The following CDH18 variants were observed in gnomAD, a reference collection of about 807,000 sequenced individuals.
CDH18 encodes the protein cadherin 18.
CDH18 carries 31 observed loss-of-function variants against 67.9 expected under a neutral mutation model. The ratio of observed to expected loss-of-function variants is 0.46; its 90% CI spans 0.34 to 0.62. The LOEUF is 0.62. Among genes scored for constraint, CDH18 ranks in the 20% least tolerant of loss-of-function variants. The pLI is 0.01. For missense variants in CDH18, 890 were observed against 975.5 expected (o/e 0.91, Z 1.17); for synonymous variants, 362 against 347.2 (o/e 1.04, Z -0.48).
At chr5:19,938,956 A>G (rs141513153) in intron 2 of CDH18, among the ~76,000 whole-genome samples, 28 of 151,408 alleles carry the variant, frequency 1.8e-4, no homozygotes, top group Admixed American at 2.6e-4. Flanking sequence ...GTACTTAAAT[A>G]CATTTGGACC....
At chr5:19,484,862 G>C (rs1740108482) in intron 11 of CDH18, among the ~76,000 whole-genome samples, 1 of 152,138 alleles carries the variant, frequency 6.6e-6, no homozygotes, top group South Asian at 2.1e-4. Flanking sequence ...TTCAACTCCA[G>C]GGAACTCAAT....
chr5:19,679,892 A>T (rs34010505), intron 5 of CDH18, among the ~76,000 whole-genome samples: 5,186 of 152,166 alleles, frequency 0.034, 280 homozygotes, highest in African/African-American at 0.12. Context: ...ATTCAATATT[A>T]TTTCTACCAA....
intron 1 of CDH18, among the ~76,000 whole-genome samples, chr5:20,501,594 T>TTA (rs370110007): frequency 0.38 from 13,002 of 34,552 alleles, 1,234 homozygotes; most frequent in East Asian, 0.52. Context: ...TATATATATA[T>TTA]TATATATATA....
intron 2 of CDH18, among the ~76,000 whole-genome samples, chr5:19,863,230 T>C (rs1163704023): frequency 1.3e-5 from 2 of 152,118 alleles, no homozygotes; most frequent in Non-Finnish European, 2.9e-5. Context: ...AGTTTAAGTA[T>C]AAGAGGCAGA....
intron 5 of CDH18, 27 bp from the exon 6 acceptor site, chr5:19,612,628 G>A (rs1749175703): frequency 2.0e-6 from 3 of 1,525,564 alleles, no homozygotes; most frequent in Non-Finnish European, 2.7e-6. Flanking sequence ...TTAATAAACA[G>A]TATGAGCTAT....
intron 2 of CDH18, among the ~76,000 whole-genome samples, chr5:19,902,362 T>G (rs958292090): frequency 6.6e-6 from 1 of 152,102 alleles, no homozygotes; most frequent in African/African-American, 2.4e-5. Flanking sequence ...GCTTTCACCT[T>G]GGGTCTCTCT....
chr5:20,295,597 T>G (rs1187668149), intron 1 of CDH18, among the ~76,000 whole-genome samples: 1 of 151,458 alleles, frequency 6.6e-6, no homozygotes, highest in Admixed American at 6.6e-5. Flanking sequence ...CATGGTGGCG[T>G]GCACCTGTAG....
At chr5:20,296,374 GCCTCAGC>G (rs1747528612) in intron 1 of CDH18, among the ~76,000 whole-genome samples, 1 of 151,390 alleles carries the variant, frequency 6.6e-6, no homozygotes, top group African/African-American at 2.4e-5. Context: ...CTGCCCTCCT[GCCTCAGC>G]CTCCTGAGTA....
intron 1 of CDH18, among the ~76,000 whole-genome samples, chr5:20,452,909 A>G (rs1014049432): frequency 2.0e-5 from 3 of 152,154 alleles, no homozygotes; most frequent in Admixed American, 6.6e-5. Flanking sequence ...ATATGTGTAT[A>G]TTAACTTAGT....
chr5:20,022,700 A>C (rs1417533005), intron 2 of CDH18, among the ~76,000 whole-genome samples: 2 of 152,224 alleles, frequency 1.3e-5, no homozygotes, highest in Admixed American at 1.3e-4. Flanking sequence ...TTAAGAAAAA[A>C]ACAAAGAATT....
intron 2 of CDH18, among the ~76,000 whole-genome samples, chr5:20,202,825 C>T (rs945037125): frequency 1.3e-5 from 2 of 151,728 alleles, no homozygotes; most frequent in Admixed American, 6.6e-5. Context: ...AAACACATAC[C>T]TATATTAATA....
chr5:20,375,609 C>A (rs1463499477), intron 1 of CDH18, among the ~76,000 whole-genome samples: 1 of 152,172 alleles, frequency 6.6e-6, no homozygotes, highest in Non-Finnish European at 1.5e-5. Flanking sequence ...GAGACTGCGC[C>A]TTTGCATCAA....
chr5:19,540,889 T>A lies in CDH18; in HGVS notation c.1390+2980A>T, dbSNP rs144531337. On this transcript the variant is annotated intron_variant, in intron 9 of 12. Coordinates refer to ENST00000382275, the MANE Select transcript of CDH18 (RefSeq NM_004934.5). ...TGCCCTGGAGACATTTTCCCCATTG[T>A]CTTGGTGTTTAACATTTGGCTCCTT... Among the ~76,000 whole-genome samples the A allele has an allele frequency of 5.1e-3, 783 of 152,282 alleles. 3 individuals are homozygous for A. The highest frequency in any genetic ancestry group is 0.018 in the African/African-American group (750 of 41,564).
At chr5:20,416,503 T>G (rs1238811213) in intron 1 of CDH18, among the ~76,000 whole-genome samples, 1 of 152,118 alleles carries the variant, frequency 6.6e-6, no homozygotes, top group African/African-American at 2.4e-5. Context: ...GGTTTCTATA[T>G]TCAGAAAGGT....
chr5:20,384,125 A>G (rs1328080570), intron 1 of CDH18, among the ~76,000 whole-genome samples: 2 of 152,160 alleles, frequency 1.3e-5, no homozygotes, highest in South Asian at 2.1e-4. Context: ...AACACTTAAC[A>G]TGAGATCTAC....
chr5:20,402,574 A>C (rs2150131129), intron 1 of CDH18, among the ~76,000 whole-genome samples: 1 of 152,372 alleles, frequency 6.6e-6, no homozygotes. Context: ...TGCATTAAAA[A>C]GCTATCTTTA....
At chr5:20,179,677 G>A (rs1411102077) in intron 2 of CDH18, among the ~76,000 whole-genome samples, 1 of 152,116 alleles carries the variant, frequency 6.6e-6, no homozygotes, top group Non-Finnish European at 1.5e-5. Flanking sequence ...AGGGAGTCAA[G>A]CAAAGCCACA....
chr5:19,920,537 G>A (rs1792320887), intron 2 of CDH18, among the ~76,000 whole-genome samples: 2 of 142,640 alleles, frequency 1.4e-5, no homozygotes, highest in Non-Finnish European at 3.0e-5. Flanking sequence ...TTTTTCAGAC[G>A]GTGTCTTGCC....
intron 2 of CDH18, among the ~76,000 whole-genome samples, chr5:20,081,270 A>G (rs2150543471): frequency 6.6e-6 from 1 of 152,312 alleles, no homozygotes; most frequent in African/African-American, 2.4e-5. Flanking sequence ...TTACAAAAAT[A>G]TGATACCTCA....
Sources: gnomAD v4.1 joint callset for allele counts (sites outside exome capture counted in the v4.1 genomes callset) on GRCh38, gnomAD v4.1.1 for gene constraint, MANE v1.5 for transcripts, NCBI Gene and HGNC (gene_info 2026-07-23, HGNC 2026-07-21) for gene names.